ACAD11: variants seen among roughly 807,000 people sequenced by gnomAD.
The protein encoded by ACAD11 is acyl-CoA dehydrogenase family member 11.
In ACAD11, 83 loss-of-function variants were observed where a neutral mutation model predicts 102.2. The observed-to-expected ratio is 0.81, with a 90% CI of 0.68 to 0.97. The LOEUF (loss-of-function observed/expected upper bound fraction) is 0.97, where lower values mean the gene tolerates loss of function less well. Ranked by LOEUF, ACAD11 falls within the 50% of genes least tolerant of loss-of-function variation. ACAD11 has a pLI of 0.00. For synonymous variants in ACAD11, 324 were observed against 319.8 expected (o/e 1.01, Z -0.14); for missense variants, 901 against 951.7 (o/e 0.95, Z 0.70).
intron 16 of ACAD11, among the ~76,000 whole-genome samples, 157 bp from the exon 17 acceptor site, chr3:132,576,083 C>A (rs1460966109): frequency 6.6e-6 from 1 of 152,146 alleles, no homozygotes; most frequent in Non-Finnish European, 1.5e-5. Context: ...ACTATGAATT[C>A]ATGGGAATTT....
intron 13 of ACAD11, among the ~76,000 whole-genome samples, chr3:132,595,261 T>C (rs1938250291): frequency 6.6e-6 from 1 of 152,154 alleles, no homozygotes; most frequent in South Asian, 2.1e-4. Flanking sequence ...ACAAAAGCCC[T>C]GATAGGATTG....
At position 132,618,046 on chromosome 3, in the gene ACAD11, A is replaced by G. The variant is rs567110976; in HGVS notation, c.1414+588T>C. ...GTACTTCAAATTTCAGAGCTCCTCT[A>G]TTCTGCTGTTTTTTTCCAAAGCACT... On this transcript the variant is annotated intron_variant, in intron 11 of 19. Transcript: ENST00000264990. Among the ~76,000 whole-genome samples, 7 of 152,286 alleles carry G rather than the reference A, an allele frequency of 4.6e-5. No individual in the cohort carries two copies. In the South Asian group the frequency reaches 1.5e-3, roughly 32 times the overall value.
intron 1 of ACAD11, among the ~76,000 whole-genome samples, chr3:132,657,207 T>C (rs1399166473): frequency 1.3e-5 from 2 of 152,240 alleles, no homozygotes; most frequent in African/African-American, 4.8e-5. Context: ...ATAACAATTA[T>C]TCCAGTATAA....
At chr3:132,659,430 C>T in intron 1 of ACAD11, 173 bp downstream of exon 1, 1 of 833,668 alleles carries the variant, frequency 1.2e-6, no homozygotes, top group South Asian at 1.9e-5. Context: ...TGGGAAGCCC[C>T]CAGCATCGAA....
intron 2 of ACAD11, among the ~76,000 whole-genome samples, chr3:132,643,635 G>A (rs1343553756): frequency 1.3e-5 from 2 of 152,078 alleles, no homozygotes; most frequent in African/African-American, 2.4e-5. Flanking sequence ...AACTGGAAGA[G>A]GAAAGTAACG....
intron 3 of ACAD11, 87 bp from the exon 4 acceptor site, chr3:132,642,220 T>C (rs763850780): frequency 4.7e-6 from 6 of 1,286,862 alleles, no homozygotes; most frequent in Non-Finnish European, 6.4e-6. Flanking sequence ...TTGTGAAACA[T>C]ATTTAATATT....
In ACAD11 at chr3:132,642,017, C is replaced by T. The variant is rs1427429861; in HGVS notation, c.492G>A (p.Leu164=). 1 of 1,613,982 alleles carries T rather than the reference C, an allele frequency of 6.2e-7. No homozygotes were observed. Among genetic ancestry groups the T allele is most frequent in the African/African-American group, 1.3e-5 (1 of 75,044 alleles). Reference sequence around the variant, plus strand: ...CACCTATACCATATCCTTCCAGCTGCAGTGACTGTATATTCAAGGAATGTA... The same window carrying T: ...CACCTATACCATATCCTTCCAGCTGTAGTGACTGTATATTCAAGGAATGTA... The part of the protein sequence containing the change: ...AQLHSLNIQS[L]QLEGYGIGAG... Residue 164 remains leucine (L), a synonymous_variant, in exon 4 of 20, where the codon CTG becomes CTA. Transcript: ENST00000264990.
At chr3:132,645,559 T>C (rs2107891233) in intron 1 of ACAD11, among the ~76,000 whole-genome samples, 1 of 152,326 alleles carries the variant, frequency 6.6e-6, no homozygotes, top group East Asian at 1.9e-4. Flanking sequence ...TCACTTATAA[T>C]ATGGGCATTT....
At chr3:132,605,250 CA>C in intron 11 of ACAD11, 45 bp from the exon 12 acceptor site, 1 of 1,459,134 alleles carries the variant, frequency 6.9e-7, no homozygotes, top group Non-Finnish European at 9.6e-7. Context: ...GAAAATTTAT[CA>C]GTATGAAATC....
chr3:132,618,385 C>T lies in ACAD11; in HGVS notation c.1414+249G>A, dbSNP rs144507409. 9.1e-4 allele frequency: 387 copies of T among 423,912 alleles called. 3 individuals are homozygous for T. Among genetic ancestry groups the T allele is most frequent in the African/African-American group, 6.1e-3 (298 of 48,608 alleles). 26.3% of individuals were successfully genotyped at this position (423,912 alleles called of 1,614,324 possible). ...GGATCCATGATCCATGATCCTTACA[C>T]GACCAATCCCTTTGGTGGCTAATTT... is the stretch of plus-strand genomic sequence containing the variant. On this transcript the variant is annotated intron_variant, in intron 11 of 19. Transcript: ENST00000264990.
At chr3:132,567,346 C>A (rs1937242152) in intron 17 of ACAD11, among the ~76,000 whole-genome samples, 1 of 152,028 alleles carries the variant, frequency 6.6e-6, no homozygotes, top group African/African-American at 2.4e-5. Flanking sequence ...CTATACTTGA[C>A]TCAAACTGGT....
intron 10 of ACAD11, 95 bp downstream of exon 10, chr3:132,619,373 C>A (rs190099922): frequency 7.1e-6 from 5 of 702,300 alleles, no homozygotes; most frequent in Admixed American, 5.9e-5. Context: ...ATATAATTTT[C>A]TTCTACATAT....
intron 15 of ACAD11, 127 bp from the exon 16 acceptor site, chr3:132,577,142 TC>T: frequency 1.5e-6 from 1 of 654,184 alleles, no homozygotes; most frequent in Non-Finnish European, 2.6e-6. Context: ...GCATGAACAT[TC>T]TGAGGTAAGC....
chr3:132,632,590 A>C (rs551034789), intron 5 of ACAD11, among the ~76,000 whole-genome samples: 2 of 152,284 alleles, frequency 1.3e-5, no homozygotes, highest in Non-Finnish European at 2.9e-5. Context: ...TGAACTTTAA[A>C]GCAGTTTTTT....
chr3:132,593,384 C>A (rs1486917586), intron 13 of ACAD11, among the ~76,000 whole-genome samples: 1 of 151,902 alleles, frequency 6.6e-6, no homozygotes, highest in Non-Finnish European at 1.5e-5. Context: ...TTAACTTTAC[C>A]ACTAATCAAA....
intron 13 of ACAD11, among the ~76,000 whole-genome samples, chr3:132,581,105 T>C (rs1937591126): frequency 1.3e-5 from 2 of 151,786 alleles, no homozygotes; most frequent in African/African-American, 4.8e-5. Context: ...TTTCAAAACA[T>C]CAACAAAGAA....
chr3:132,633,294 ATT>A (rs1239196634), intron 5 of ACAD11, among the ~76,000 whole-genome samples: 1 of 152,086 alleles, frequency 6.6e-6, no homozygotes, highest in Non-Finnish European at 1.5e-5. Context: ...GGGTTGTTGA[ATT>A]TTGTCTAAAG....
rs563275616 is a variant in ACAD11, at chr3:132,640,145, G to C, written c.538-489C>G. Among the ~76,000 whole-genome samples, 13 of 150,902 alleles carry C rather than the reference G, an allele frequency of 8.6e-5. No individual in the cohort carries two copies. In the South Asian group the frequency reaches 1.7e-3, roughly 19 times the overall value. ...TTTTTTTTTTTTGAGACAGAGTCTC[G>C]CTCTGTTGCCCAGGCTGGAGTGCTA... On this transcript the variant is annotated intron_variant, in intron 4 of 19. Coordinates refer to ENST00000264990, the MANE Select transcript of ACAD11 (RefSeq NM_032169.5).
At chr3:132,618,395 C>CT in intron 11 of ACAD11, 1 of 440,568 alleles carries the variant, frequency 2.3e-6, no homozygotes, top group Non-Finnish European at 3.9e-6. Flanking sequence ...CGACCAATCC[C>CT]TTTGGTGGCT....
Sources: gnomAD v4.1 joint callset for allele counts (sites outside exome capture counted in the v4.1 genomes callset) on GRCh38, gnomAD v4.1.1 for gene constraint, MANE v1.5 for transcripts, NCBI Gene and HGNC (gene_info 2026-07-23, HGNC 2026-07-21) for gene names.